CEP170: variants seen among roughly 807,000 people sequenced by gnomAD.
The protein encoded by CEP170 is centrosomal protein of 170 kDa.
In CEP170, 21 loss-of-function variants were observed where a neutral mutation model predicts 151.9. That is an observed-to-expected ratio of 0.14 (90% CI 0.10 to 0.20). The LOEUF is 0.20. Among genes scored for constraint, CEP170 ranks in the 10% least tolerant of loss-of-function variants. CEP170 has a pLI of 1.00. For synonymous variants in CEP170, 356 were observed against 648.8 expected (o/e 0.55, Z 6.86); for missense variants, 964 against 1,892.9 (o/e 0.51, Z 9.11).
At chr1:243,233,741 A>AAAAAAAATAT (rs1367723157) in intron 1 of CEP170, among the ~76,000 whole-genome samples, 1 of 140,436 alleles carries the variant, frequency 7.1e-6, no homozygotes, top group Non-Finnish European at 1.5e-5. Flanking sequence ...TCAAAAAAAA[A>AAAAAAAATAT]ATATATATAT....
At position 243,245,639 on chromosome 1, in the gene CEP170, G is replaced by A. The variant is rs567512116; in HGVS notation, c.-42+9401C>T. Among the ~76,000 whole-genome samples the A allele has an allele frequency of 3.3e-5, 5 of 151,978 alleles. No homozygotes were observed. In the South Asian group the frequency reaches 8.3e-4, roughly 25 times the overall value. ...TGAAGCAGAAGAATTGCTTGAACCC[G>A]CGAGGCAGAGGTTGCAGTGAGCCGA... On this transcript the variant is annotated intron_variant, in intron 1 of 19. Coordinates refer to ENST00000366542, the MANE Select transcript of CEP170 (RefSeq NM_014812.3).
In CEP170 at chr1:243,193,436, C is replaced by T. The variant is rs555610373; in HGVS notation, c.632-1942G>A. Among the ~76,000 whole-genome samples, 418 of 151,802 alleles carry T rather than the reference C, an allele frequency of 2.8e-3. 4 individuals carry two copies. The highest frequency in any genetic ancestry group is 9.6e-3 in the African/African-American group (399 of 41,450). On this transcript the variant is annotated intron_variant, in intron 7 of 19. Transcript: ENST00000366542. Reference sequence around the variant, plus strand: ...CAGAACAACGTCAAGATGGTAGTTTCTAATACCACTACACAGAGAGCCAAA... The same window carrying T: ...CAGAACAACGTCAAGATGGTAGTTTTTAATACCACTACACAGAGAGCCAAA...
At chr1:243,142,254 T>A (rs1298586312) in intron 15 of CEP170, 62 bp downstream of exon 15, 1 of 1,603,394 alleles carries the variant, frequency 6.2e-7, no homozygotes, top group Non-Finnish European at 8.5e-7. Context: ...AGCAAAAAGC[T>A]AAAAGCAAAA....
chr1:243,139,983 G>A lies in CEP170; in HGVS notation c.4184C>T (p.Pro1395Leu), dbSNP rs201404435. 3 of 1,613,408 alleles carry A rather than the reference G, an allele frequency of 1.9e-6. No homozygotes were observed. Among genetic ancestry groups the A allele is most frequent in the East Asian group, 2.2e-5 (1 of 44,880 alleles). The change falls in exon 16 of 20, where the codon CCC (proline) becomes CTC (leucine). Residue 1395 changes from proline (P) to leucine (L), a missense_variant. Transcript: ENST00000366542. ...CCGCCTTGTAATTGTTAAGTGATCG[G>A]GAGGCTCTGCTGCTTGAGGTCTTGG... ...GDPRPQAAEP[P>L]DHLTITRRRT...
At chr1:243,146,681 A>AAC (rs1558410465) in intron 14 of CEP170, among the ~76,000 whole-genome samples, 3 of 150,182 alleles carry the variant, frequency 2.0e-5, no homozygotes, top group East Asian at 2.0e-4. Context: ...AAAAAAAAAA[A>AAC]CCCGAGATAT....
At chr1:243,178,085 T>C (rs1300927862) in intron 10 of CEP170, among the ~76,000 whole-genome samples, 1 of 151,984 alleles carries the variant, frequency 6.6e-6, no homozygotes, top group East Asian at 1.9e-4. Flanking sequence ...TCCAGCACTT[T>C]GGGAGGCCGA....
chr1:243,142,539 C>A (rs1240747306), intron 14 of CEP170, 76 bp from the exon 15 acceptor site: 1 of 1,479,304 alleles, frequency 6.8e-7, no homozygotes, highest in African/African-American at 1.4e-5. Context: ...ATGAGATAAT[C>A]AGTCATGTAA....
intron 7 of CEP170, among the ~76,000 whole-genome samples, chr1:243,192,690 T>A (rs1381155171): frequency 2.0e-5 from 3 of 152,244 alleles, no homozygotes; most frequent in African/African-American, 7.2e-5. Context: ...TTTTGAAACA[T>A]CTTTTCAAAA....
chr1:243,209,196 TTTATTTTAGAC>T (rs1200242554), intron 4 of CEP170, among the ~76,000 whole-genome samples: 1 of 152,222 alleles, frequency 6.6e-6, no homozygotes, highest in Non-Finnish European at 1.5e-5. Flanking sequence ...CATTTATTTA[TTTATTTTAGAC>T]GGAGTCTTGC....
chr1:243,255,209 T>A lies in CEP170; in HGVS notation c.-211A>T, dbSNP rs1395460443. On this transcript the variant is annotated 5_prime_UTR_variant, in exon 1 of 20. It removes the in-frame stop codon of an upstream open reading frame in the 5' UTR. Coordinates refer to ENST00000366542, the MANE Select transcript of CEP170 (RefSeq NM_014812.3). ...CCTCAGCTCCGCTGGGCAATAACGT[T>A]ATTCCACACACGCCCCACACATAGC... The A allele has an allele frequency of 6.5e-6, 1 of 152,752 alleles. No homozygotes were observed. The highest frequency in any genetic ancestry group is 1.5e-5 in the Non-Finnish European group (1 of 68,154). The allele number at this position is 152,752 out of a possible 1,614,324, so 9.5% of individuals were successfully genotyped here. A position where few individuals can be genotyped will look rare whatever the true frequency, so the allele number is the denominator to read the frequency against.
chr1:243,146,185 C>G (rs928193157), intron 14 of CEP170, among the ~76,000 whole-genome samples: 1 of 152,052 alleles, frequency 6.6e-6, no homozygotes, highest in Admixed American at 6.6e-5. Context: ...AAATTATGAA[C>G]TCGTTTGGAA....
chr1:243,248,440 G>T (rs983784306), intron 1 of CEP170, among the ~76,000 whole-genome samples: 1 of 152,292 alleles, frequency 6.6e-6, no homozygotes, highest in Admixed American at 6.5e-5. Context: ...CTAGCCAAGA[G>T]ATCCCTTTAA....
At chr1:243,234,194 G>C (rs1227483440) in intron 1 of CEP170, among the ~76,000 whole-genome samples, 2 of 152,184 alleles carry the variant, frequency 1.3e-5, no homozygotes, top group African/African-American at 2.4e-5. Flanking sequence ...CTACACAGTA[G>C]AGAAAGAAAT....
intron 4 of CEP170, 128 bp from the exon 5 acceptor site, chr1:243,200,963 G>C (rs2060989078): frequency 2.2e-6 from 2 of 897,666 alleles, no homozygotes; most frequent in Non-Finnish European, 3.3e-6. Context: ...TATTTCCCCT[G>C]AATAGTTAAA....
intron 6 of CEP170, among the ~76,000 whole-genome samples, chr1:243,199,714 G>A (rs1379961732): frequency 6.6e-6 from 1 of 150,942 alleles, no homozygotes; most frequent in Admixed American, 6.6e-5. Flanking sequence ...GTTCTTAACA[G>A]AACTAACATT....
At chr1:243,149,903 G>T (rs200639442) in intron 14 of CEP170, among the ~76,000 whole-genome samples, 10,229 of 151,562 alleles carry the variant, frequency 0.067, 616 homozygotes, top group East Asian at 0.18. Context: ...AAGTAATTTG[G>T]TTTTTTACTG....
chr1:243,250,270 T>C (rs1341263714), intron 1 of CEP170, among the ~76,000 whole-genome samples: 3 of 152,228 alleles, frequency 2.0e-5, no homozygotes, highest in Non-Finnish European at 4.4e-5. Context: ...CATAAGAGTT[T>C]GGCTTGTTGA....
chr1:243,129,438 G>GT lies in CEP170; in HGVS notation c.4334dup (p.Asp1445GlufsTer8), dbSNP rs1405915352. The GT allele has an allele frequency of 6.5e-7, 1 of 1,537,174 alleles. No homozygotes were observed. The highest frequency in any genetic ancestry group is 8.8e-7 in the Non-Finnish European group (1 of 1,131,342). ...CTATGTCATCCCAATTCCGATCTTT[G>GT]TCTTTAAATAATATTCTATAAATCA... On this transcript the variant is annotated frameshift_variant, in exon 18 of 20. Transcript: ENST00000366542. LOFTEE classifies it high-confidence loss of function.
At position 243,172,783 on chromosome 1, in the gene CEP170, G is replaced by C. The variant is rs182254699; in HGVS notation, c.1630C>G (p.Leu544Val). The change falls in exon 11 of 20, where the codon CTA becomes GTA. Residue 544 changes from leucine to valine, a missense_variant. By Grantham distance (32) the Leu-to-Val change is conservative (BLOSUM62 1). Transcript: ENST00000366542. ...GAACTGAGAGCCCAATCTTTTATTA[G>C]ATCTTTATGTTTTTCGTTGATAACA... is the stretch of plus-strand genomic sequence containing the variant. The part of the protein sequence containing the change: ...RPVINEKHKD[L>V]IKDWALSSAA... 1.7e-4 allele frequency: 273 copies of C among 1,575,398 alleles called. No homozygotes were observed. In the African/African-American group the frequency reaches 3.3e-3, roughly 19 times the overall value.
Sources: gnomAD v4.1 joint callset for allele counts (sites outside exome capture counted in the v4.1 genomes callset) on GRCh38, gnomAD v4.1.1 for gene constraint, MANE v1.5 for transcripts, NCBI Gene and HGNC (gene_info 2026-07-23, HGNC 2026-07-21) for gene names.